Variants in NFATC2 observed in about 807,000 individuals in gnomAD.
The protein encoded by NFATC2 is nuclear factor of activated T-cells, cytoplasmic 2.
In NFATC2, 22 loss-of-function variants were observed where a neutral mutation model predicts 87.3. That is an observed-to-expected ratio of 0.25 (90% CI 0.18 to 0.36). NFATC2 has a LOEUF of 0.36. Ranked by LOEUF, NFATC2 falls within the 10% of genes least tolerant of loss-of-function variation. The probability of loss-of-function intolerance (pLI) is 1.00; values close to 1 mark genes in which losing one functional copy is unlikely to be tolerated. For synonymous variants in NFATC2, 565 were observed against 542.2 expected (o/e 1.04, Z -0.58); for missense variants, 1,149 against 1,259.1 (o/e 0.91, Z 1.32).
intron 5 of NFATC2, among the ~76,000 whole-genome samples, chr20:51,465,694 A>G (rs1042940230): frequency 6.6e-6 from 1 of 151,984 alleles, no homozygotes; most frequent in African/African-American, 2.4e-5. Flanking sequence ...ATATTTAACC[A>G]GCCTACCAAC....
chr20:51,535,584 C>A (rs867128179), intron 1 of NFATC2, among the ~76,000 whole-genome samples: 31 of 152,226 alleles, frequency 2.0e-4, no homozygotes, highest in African/African-American at 7.0e-4. Flanking sequence ...CCCCTGCCAA[C>A]CCCCTGGTTA....
rs1369811429 is a variant in NFATC2 at position 51,388,136 on chromosome 20, G to A, written c.*3360C>T. 3 of 152,096 alleles carry A rather than the reference G, an allele frequency of 2.0e-5. No homozygotes were observed. The highest frequency in any genetic ancestry group is 7.2e-5 in the African/African-American group (3 of 41,394). 9.4% of individuals were successfully genotyped at this position (152,096 alleles called of 1,614,324 possible). ...GAGTTATCTACCAGGATTTAGATTT[G>A]GTCCCTTCTGTAAATATTAGCCTGA... On this transcript the variant is annotated 3_prime_UTR_variant, in exon 11 of 11. Transcript: ENST00000371564.
rs1454493129 is a variant in NFATC2 at position 51,388,092 on chromosome 20, C to T, written c.*3404G>A. On this transcript the variant is annotated 3_prime_UTR_variant, in exon 11 of 11. Coordinates refer to ENST00000371564, the MANE Select transcript of NFATC2 (RefSeq NM_012340.5). ...TCTATGCTGGAAAACTGTGGGTGTC[C>T]TTTGGATAAAGCATACAGGAGTTAT... 1 of 152,044 alleles carries T rather than the reference C, an allele frequency of 6.6e-6. No individual in the cohort carries two copies. The highest frequency in any genetic ancestry group is 1.9e-4 in the East Asian group (1 of 5,198). The allele number at this position is 152,044 out of a possible 1,614,324, so 9.4% of individuals were successfully genotyped here.
At position 51,542,613 on chromosome 20, in the gene NFATC2, C is replaced by T. The variant is rs1308692828; in HGVS notation, c.-114G>A. The T allele has an allele frequency of 8.2e-7, 1 of 1,219,668 alleles. No individual in the cohort carries two copies. Among genetic ancestry groups the T allele is most frequent in the African/African-American group, 1.6e-5 (1 of 62,762 alleles). The allele number at this position is 1,219,668 out of a possible 1,614,324, so 75.6% of individuals were successfully genotyped here. A position where few individuals can be genotyped will look rare whatever the true frequency, so the allele number is the denominator to read the frequency against. On this transcript the variant is annotated 5_prime_UTR_variant, in exon 1 of 11. Coordinates refer to ENST00000371564, the MANE Select transcript of NFATC2 (RefSeq NM_012340.5). ...GCTCGAGCGGCGGGGTCCCTTTCCT[C>T]GTAGGGACGCACGCCGGGTCCGGGG...
intron 9 of NFATC2, among the ~76,000 whole-genome samples, chr20:51,419,021 C>T (rs944714625): frequency 2.6e-5 from 4 of 151,330 alleles, no homozygotes; most frequent in Admixed American, 6.6e-5. Flanking sequence ...ATTTATTTCA[C>T]TGTTTGTCTC....
intron 1 of NFATC2, among the ~76,000 whole-genome samples, chr20:51,531,937 C>T (rs1189080643): frequency 6.6e-6 from 1 of 152,132 alleles, no homozygotes; most frequent in Non-Finnish European, 1.5e-5. Context: ...TCTCTTTTTA[C>T]CTCAGATCCT....
At position 51,397,191 on chromosome 20, in the gene NFATC2, ACTT is replaced by A. The variant is rs139778524; in HGVS notation, c.*44+1449_*44+1451del. On this transcript the variant is annotated intron_variant, in intron 10 of 10. Coordinates refer to ENST00000371564, the MANE Select transcript of NFATC2 (RefSeq NM_012340.5). ...CACCATGCCCAGCCCTTCCCCTCTG[ACTT>A]CTTCTGTCTCAAAACTGAAAAGGCC... Among the ~76,000 whole-genome samples the A allele has an allele frequency of 9.6e-3, 1,463 of 152,130 alleles. 29 individuals are homozygous for A. The highest frequency in any genetic ancestry group is 0.034 in the African/African-American group (1,414 of 41,484).
chr20:51,438,722 G>A (rs1983921576), intron 6 of NFATC2, among the ~76,000 whole-genome samples: 3 of 152,306 alleles, frequency 2.0e-5, no homozygotes, highest in South Asian at 4.1e-4. Context: ...CCTCTGGTGG[G>A]TGTGCATGGC....
intron 3 of NFATC2, among the ~76,000 whole-genome samples, chr20:51,491,297 GA>G (rs2075879182): frequency 6.6e-6 from 1 of 151,450 alleles, no homozygotes; most frequent in Non-Finnish European, 1.5e-5. Context: ...AAAAAAAAAA[GA>G]AGAGGGAAAT....
At chr20:51,472,179 C>T (rs537028497) in intron 5 of NFATC2, among the ~76,000 whole-genome samples, 15 of 152,232 alleles carry the variant, frequency 9.9e-5, no homozygotes, top group African/African-American at 3.4e-4. Context: ...CACTTGAACC[C>T]GGGAGGTAGA....
At chr20:51,548,034 T>C (rs918781852) in intron 1 of NFATC2, among the ~76,000 whole-genome samples, 22 of 152,126 alleles carry the variant, frequency 1.4e-4, no homozygotes, top group Admixed American at 6.5e-5. Flanking sequence ...CCCATTAAAT[T>C]AAAATTAAAT....
At chr20:51,536,144 T>A (rs1445937501) in intron 1 of NFATC2, among the ~76,000 whole-genome samples, 1 of 152,208 alleles carries the variant, frequency 6.6e-6, no homozygotes, top group South Asian at 2.1e-4. Context: ...AGTTTTCCAA[T>A]GAGTATAATC....
chr20:51,440,236 C>CAAAAAAAAAAAAAAAAAAAAAAAAAAAA, intron 6 of NFATC2, among the ~76,000 whole-genome samples: 1 of 97,228 alleles, frequency 1.0e-5, no homozygotes, highest in Non-Finnish European at 1.9e-5. Flanking sequence ...AACTCCATCT[C>CAAAAAAAAAAAAAAAAAAAAAAAAAAAA]AAAAAAAAAA....
chr20:51,408,723 A>G (rs1351315388), intron 9 of NFATC2, among the ~76,000 whole-genome samples: 1 of 152,188 alleles, frequency 6.6e-6, no homozygotes, highest in East Asian at 1.9e-4. Flanking sequence ...ACAAGGTAAG[A>G]CTGCAAGAAG....
rs750154695 is a variant in NFATC2 at position 51,435,333 on chromosome 20, C to T, written c.1906-19G>A. The T allele has an allele frequency of 7.4e-6, 12 of 1,613,942 alleles. No homozygotes were observed. The highest frequency in any genetic ancestry group is 1.7e-5 in the Admixed American group (1 of 60,022). On this transcript the variant is annotated intron_variant, in intron 7 of 10. Transcript: ENST00000371564. ...GCATGTTCTATAAGGAAGGAGTTGT[C>T]ATGAACTTAACTGCAATCATGTCTC... is the stretch of plus-strand genomic sequence containing the variant.
intron 9 of NFATC2, 83 bp from the exon 10 acceptor site, chr20:51,398,813 T>C: frequency 2.1e-6 from 2 of 947,946 alleles, no homozygotes; most frequent in Non-Finnish European, 3.4e-6. Context: ...CTCATGCCGA[T>C]ATCATCCAAG....
chr20:51,392,303 A>C (rs1360006165), intron 10 of NFATC2, among the ~76,000 whole-genome samples: 4 of 152,210 alleles, frequency 2.6e-5, no homozygotes, highest in Admixed American at 2.6e-4. Context: ...GTGCCAGCTC[A>C]GGAAAGTTTG....
intron 9 of NFATC2, among the ~76,000 whole-genome samples, chr20:51,401,349 TAAATG>T (rs954055536): frequency 7.3e-5 from 11 of 150,612 alleles, no homozygotes; most frequent in Admixed American, 4.0e-4. Flanking sequence ...AAAATAAAAA[TAAATG>T]AGATGCTATA....
Position 51,523,424 on chromosome 20 carries a change from G to T in NFATC2, c.817C>A (p.Arg273=). ...LPPGASPQRS[R]SPSPQPSSHV... ...GATGAGGGCTGCGGCGAGGGGCTCC[G>T]GGAGCGCTGGGGTGAGGCTCCGGGC... The change falls in exon 2 of 11, where the codon CGG becomes AGG. Residue 273 remains arginine, a synonymous_variant. Coordinates refer to ENST00000371564, the MANE Select transcript of NFATC2 (RefSeq NM_012340.5). This position sits in a 1 kb window ranked among gnomAD's most constrained non-coding sequence, Gnocchi z 6.9. 6.2e-7 allele frequency: 1 copy of T among 1,607,642 alleles called. No homozygotes were observed. Among genetic ancestry groups the T allele is most frequent in the East Asian group, 2.2e-5 (1 of 44,730 alleles).
Sources: gnomAD v4.1 joint callset for allele counts (sites outside exome capture counted in the v4.1 genomes callset) on GRCh38, gnomAD v4.1.1 for gene constraint, Gnocchi (gnomAD v3.1) non-coding constraint, MANE v1.5 for transcripts, NCBI Gene and HGNC (gene_info 2026-07-23, HGNC 2026-07-21) for gene names.